ARFGEF1: variants seen among roughly 807,000 people sequenced by gnomAD.
ARFGEF1 encodes brefeldin A-inhibited guanine nucleotide-exchange protein 1.
In ARFGEF1, 42 loss-of-function variants were observed where a neutral mutation model predicts 231.0. The ratio of observed to expected loss-of-function variants is 0.18; its 90% CI spans 0.14 to 0.24. ARFGEF1 has a LOEUF of 0.24. ARFGEF1 is among the 10% of genes least tolerant of loss of function. ARFGEF1 has a pLI of 1.00. For synonymous variants in ARFGEF1, 710 were observed against 732.3 expected (o/e 0.97, Z 0.49); for missense variants, 1,345 against 2,192.0 (o/e 0.61, Z 7.72).
chr8:67,217,013 T>C (rs1205123703), intron 32 of ARFGEF1, among the ~76,000 whole-genome samples: 1 of 146,784 alleles, frequency 6.8e-6, no homozygotes, highest in South Asian at 2.1e-4. Flanking sequence ...AAAAAAAAAA[T>C]CATAAAATTG....
chr8:67,338,666 C>G (rs560733558), intron 1 of ARFGEF1, among the ~76,000 whole-genome samples: 1 of 152,272 alleles, frequency 6.6e-6, no homozygotes, highest in South Asian at 2.1e-4. Context: ...GTCCTAAAAA[C>G]AAATCTGAAA....
intron 1 of ARFGEF1, among the ~76,000 whole-genome samples, chr8:67,323,870 C>T (rs375686082): frequency 9.2e-5 from 14 of 151,856 alleles, no homozygotes; most frequent in East Asian, 3.9e-4. Context: ...GTGCCATCAC[C>T]GCTTACTGCA....
chr8:67,235,100 GTATATA>G (rs144584152), intron 22 of ARFGEF1, among the ~76,000 whole-genome samples: 48 of 146,960 alleles, frequency 3.3e-4, no homozygotes, highest in African/African-American at 1.1e-3. Flanking sequence ...GTGTGTGTGT[GTATATA>G]TATACACACA....
chr8:67,309,868 A>C (rs1428746368), intron 1 of ARFGEF1, among the ~76,000 whole-genome samples: 1 of 152,186 alleles, frequency 6.6e-6, no homozygotes, highest in Non-Finnish European at 1.5e-5. Context: ...TGAAAATAAA[A>C]AATTAATTAT....
chr8:67,198,696 T>G lies in ARFGEF1; in HGVS notation c.*238A>C. On this transcript the variant is annotated 3_prime_UTR_variant, in exon 39 of 39. Coordinates refer to ENST00000262215, the MANE Select transcript of ARFGEF1 (RefSeq NM_006421.5). The stretch of plus-strand genomic sequence containing the variant: ...GAAGACAGGGAAGGACCCGTGAGCA[T>G]GAGCTGACACTGTTTAAACAGGCTT... The G allele has an allele frequency of 8.1e-7, 1 of 1,237,542 alleles. No homozygotes were observed. 76.7% of individuals were successfully genotyped at this position (1,237,542 alleles called of 1,614,324 possible).
At chr8:67,291,738 T>C in intron 6 of ARFGEF1, 109 bp downstream of exon 6, 1 of 1,404,348 alleles carries the variant, frequency 7.1e-7, no homozygotes, top group East Asian at 2.3e-5. Flanking sequence ...ACAATGTGTC[T>C]GACACACTTA....
At chr8:67,272,491 A>C (rs1284336409) in intron 9 of ARFGEF1, among the ~76,000 whole-genome samples, 2 of 152,166 alleles carry the variant, frequency 1.3e-5, no homozygotes, top group African/African-American at 4.8e-5. Context: ...AAGAAAAAAA[A>C]AATTCACAAA....
intron 5 of ARFGEF1, among the ~76,000 whole-genome samples, chr8:67,294,069 A>AC (rs904369449): frequency 1.4e-4 from 21 of 152,098 alleles, no homozygotes; most frequent in African/African-American, 5.1e-4. Context: ...TGTACAGACA[A>AC]CTTTTTTTTT....
chr8:67,178,306 CACCCACCTGTATCCT>C (rs1300201024), intron 5 of ARFGEF1, among the ~76,000 whole-genome samples: 1 of 152,056 alleles, frequency 6.6e-6, no homozygotes, highest in East Asian at 1.9e-4. Context: ...AGAATGATAA[CACCCACCTGTATCCT>C]GAGGGGGGTA....
intron 5 of ARFGEF1, among the ~76,000 whole-genome samples, chr8:67,294,059 T>G (rs1311669268): frequency 6.6e-6 from 1 of 152,132 alleles, no homozygotes; most frequent in African/African-American, 2.4e-5. Flanking sequence ...TGAACAAACA[T>G]GTACAGACAA....
downstream of ARFGEF1, among the ~76,000 whole-genome samples, chr8:67,194,387 G>A (rs926283765): frequency 6.6e-6 from 1 of 152,026 alleles, no homozygotes; most frequent in African/African-American, 2.4e-5. Context: ...TATCTATCTA[G>A]CAGTCAAGGT....
At chr8:67,222,220 T>TATATATATATACACAC (rs1554636849) in intron 29 of ARFGEF1, among the ~76,000 whole-genome samples, 7 of 120,812 alleles carry the variant, frequency 5.8e-5, no homozygotes, top group African/African-American at 2.0e-4. Flanking sequence ...CACATATATA[T>TATATATATATACACAC]ATATGTATAT....
chr8:67,206,730 G>A (rs1219014790), intron 34 of ARFGEF1, among the ~76,000 whole-genome samples: 8 of 152,184 alleles, frequency 5.3e-5, no homozygotes, highest in South Asian at 2.1e-4. Flanking sequence ...ACACGGCCAC[G>A]CCTCCATCTC....
At chr8:67,307,396 G>T (rs1057226830) in intron 1 of ARFGEF1, among the ~76,000 whole-genome samples, 1 of 152,200 alleles carries the variant, frequency 6.6e-6, no homozygotes, top group East Asian at 1.9e-4. Flanking sequence ...GTCTCAAACT[G>T]TGTGTGTGCA....
chr8:67,177,697 C>G, intron 5 of ARFGEF1: 1 of 1,611,304 alleles, frequency 6.2e-7, no homozygotes. Flanking sequence ...AGATGCCATC[C>G]CAAGTGCTAA....
intron 5 of ARFGEF1, chr8:67,179,763 A>G: frequency 1.1e-5 from 8 of 761,720 alleles, no homozygotes; most frequent in African/African-American, 3.5e-5. Flanking sequence ...CTCTGCTTTT[A>G]GGGAGAACAG....
At chr8:67,216,152 T>G (rs1293149128) in intron 33 of ARFGEF1, among the ~76,000 whole-genome samples, 2 of 152,214 alleles carry the variant, frequency 1.3e-5, no homozygotes, top group East Asian at 1.9e-4. Context: ...TACCATCTTC[T>G]TAAAAGAGTC....
intron 12 of ARFGEF1, 39 bp from the exon 13 acceptor site, chr8:67,267,023 C>T: frequency 1.2e-6 from 2 of 1,609,794 alleles, no homozygotes; most frequent in Middle Eastern, 1.7e-4. Flanking sequence ...TTTTAAAGGT[C>T]TTTTAAGGAA....
intron 15 of ARFGEF1, among the ~76,000 whole-genome samples, chr8:67,258,517 A>G (rs901461873): frequency 6.6e-6 from 1 of 151,892 alleles, no homozygotes; most frequent in East Asian, 1.9e-4. Context: ...CAATAGAGAC[A>G]GGGTTTCACC....
Sources: gnomAD v4.1 joint callset for allele counts (sites outside exome capture counted in the v4.1 genomes callset) on GRCh38, gnomAD v4.1.1 for gene constraint, MANE v1.5 for transcripts, NCBI Gene and HGNC (gene_info 2026-07-23, HGNC 2026-07-21) for gene names.